The following CUBN variants were observed in gnomAD, a reference collection of about 807,000 sequenced individuals.
CUBN encodes the protein cubilin.
In CUBN, 282 loss-of-function variants were observed where a neutral mutation model predicts 405.3. The observed-to-expected ratio is 0.70, with a 90% CI of 0.63 to 0.77. The LOEUF (loss-of-function observed/expected upper bound fraction) is 0.77, where lower values mean the gene tolerates loss of function less well. Among genes scored for constraint, CUBN ranks in the 30% least tolerant of loss-of-function variants. The pLI is 0.00. For synonymous variants in CUBN, 1,684 were observed against 1,617.0 expected (o/e 1.04, Z -0.99); for missense variants, 4,514 against 4,475.2 (o/e 1.01, Z -0.25).
intron 59 of CUBN, among the ~76,000 whole-genome samples, chr10:16,856,253 T>C (rs1034937592): frequency 1.3e-5 from 2 of 152,200 alleles, no homozygotes; most frequent in Admixed American, 1.3e-4. Context: ...ACAGCTCTCA[T>C]CCATCAGCAC....
At chr10:17,023,675 T>G (rs2131792194) in intron 27 of CUBN, 1 of 454,920 alleles carries the variant, frequency 2.2e-6, no homozygotes, top group African/African-American at 2.0e-5. Flanking sequence ...GCCCTGCTTT[T>G]AGAGAGCCTG....
At position 16,990,477 on chromosome 10, in the gene CUBN, T is replaced by G; in HGVS notation, c.4207A>C (p.Ser1403Arg). 6.2e-7 allele frequency: 1 copy of G among 1,614,202 alleles called. No individual in the cohort carries two copies. Among genetic ancestry groups the G allele is most frequent in the Non-Finnish European group, 8.5e-7 (1 of 1,180,038 alleles). ...GELSGATGSF[S>R]SPGFPNRYPP... Reference sequence around the variant, plus strand: ...TACCTGTTGGGGAACCCGGGGCTGCTGAAGGAGCCTGTGGCCCCAGACAGC... The same window carrying G: ...TACCTGTTGGGGAACCCGGGGCTGCGGAAGGAGCCTGTGGCCCCAGACAGC... The change falls in exon 29 of 67, where the codon AGC (serine) becomes CGC (arginine). Residue 1403 changes from serine to arginine, a missense_variant. Ser to Arg is a moderately radical substitution (Grantham distance 110, BLOSUM62 -1). Around this residue, in one of 5 missense-constraint regions of CUBN, gnomAD observed 1,613 missense variants for 1,542.8 expected, o/e 1.05. Coordinates refer to ENST00000377833, the MANE Select transcript of CUBN (RefSeq NM_001081.4).
At chr10:16,892,311 C>G (rs1375695897) in intron 54 of CUBN, among the ~76,000 whole-genome samples, 1 of 151,952 alleles carries the variant, frequency 6.6e-6, no homozygotes, top group East Asian at 1.9e-4. Flanking sequence ...GATATTCTGC[C>G]AAATGCCTAA....
At chr10:16,843,062 GTT>G (rs1839402056) in intron 60 of CUBN, among the ~76,000 whole-genome samples, 2 of 152,120 alleles carry the variant, frequency 1.3e-5, no homozygotes, top group South Asian at 4.1e-4. Context: ...CTTATTTATT[GTT>G]TATTTACTTT....
intron 28 of CUBN, among the ~76,000 whole-genome samples, chr10:16,991,595 A>G (rs1833587799): frequency 2.0e-5 from 3 of 149,000 alleles, no homozygotes; most frequent in Admixed American, 6.6e-5. Flanking sequence ...TTAACAAAAC[A>G]TTTTTTGCTC....
chr10:16,838,161 C>G (rs927918796), intron 62 of CUBN, among the ~76,000 whole-genome samples: 1 of 152,204 alleles, frequency 6.6e-6, no homozygotes, highest in African/African-American at 2.4e-5. Context: ...CCAAACTCAG[C>G]AAGTCCAGGG....
At chr10:16,833,206 A>C (rs2131306932) in intron 64 of CUBN, among the ~76,000 whole-genome samples, 1 of 152,262 alleles carries the variant, frequency 6.6e-6, no homozygotes, top group South Asian at 2.1e-4. Context: ...TTTCCTCCAG[A>C]TCCCACTCTC....
chr10:16,903,485 CAGA>C (rs762812419), intron 51 of CUBN, among the ~76,000 whole-genome samples: 1 of 151,604 alleles, frequency 6.6e-6, no homozygotes, highest in Non-Finnish European at 1.5e-5. Flanking sequence ...CTAACATTTG[CAGA>C]AGTTTACACA....
chr10:17,044,956 C>A, intron 25 of CUBN, 51 bp downstream of exon 25: 1 of 1,526,178 alleles, frequency 6.6e-7, no homozygotes, highest in Non-Finnish European at 9.1e-7. Context: ...GTGCATTGTG[C>A]GTTGGGTGAG....
intron 27 of CUBN, among the ~76,000 whole-genome samples, chr10:17,031,901 T>C (rs2356215): frequency 0.76 from 115,142 of 151,954 alleles, 46,850 homozygotes; most frequent in East Asian, 0.93. Context: ...GCTTCACTTA[T>C]TAGAGCGGAT....
intron 8 of CUBN, among the ~76,000 whole-genome samples, chr10:17,111,268 C>A (rs1270138451): frequency 6.6e-6 from 1 of 152,190 alleles, no homozygotes; most frequent in Non-Finnish European, 1.5e-5. Context: ...GATAGCTAGA[C>A]ATTAAATTGA....
At chr10:17,068,902 TA>T in intron 19 of CUBN, 132 bp from the exon 20 acceptor site, 1 of 762,892 alleles carries the variant, frequency 1.3e-6, no homozygotes, top group Non-Finnish European at 2.2e-6. Context: ...TAGCACATTT[TA>T]GTCACCCCCC....
rs1021023040 is a variant in CUBN at position 17,046,245 on chromosome 10, G to A, written c.3330-151C>T. 4.9e-5 allele frequency: 33 copies of A among 673,508 alleles called. 1 individual carries two copies. In the South Asian group the frequency reaches 5.2e-4, roughly 11 times the overall value. 41.7% of individuals were successfully genotyped at this position (673,508 alleles called of 1,614,324 possible). ...ACACTACACTTACTCTAAAAAACACGATTTTCACTTTTAAATTTTTAAAAA... is the reference window on the plus strand; with the variant it reads ...ACACTACACTTACTCTAAAAAACACAATTTTCACTTTTAAATTTTTAAAAA... On this transcript the variant is annotated intron_variant, in intron 23 of 66. Coordinates refer to ENST00000377833, the MANE Select transcript of CUBN (RefSeq NM_001081.4).
At chr10:17,047,216 A>G (rs984928293) in intron 23 of CUBN, among the ~76,000 whole-genome samples, 198 bp downstream of exon 23, 2 of 152,226 alleles carry the variant, frequency 1.3e-5, no homozygotes, top group Non-Finnish European at 2.9e-5. Context: ...TCACTTCAAA[A>G]TAACCACAGA....
chr10:16,862,193 C>CACA (rs1448517605), intron 59 of CUBN, among the ~76,000 whole-genome samples: 2 of 151,148 alleles, frequency 1.3e-5, no homozygotes, highest in East Asian at 2.0e-4. Context: ...CACACACACA[C>CACA]ATCACATCCC....
chr10:16,909,239 C>A (rs1286072995), intron 48 of CUBN, among the ~76,000 whole-genome samples: 2 of 152,156 alleles, frequency 1.3e-5, no homozygotes, highest in Non-Finnish European at 2.9e-5. Context: ...TCTCTGGGGG[C>A]TTCTGGTGTA....
chr10:16,980,141 G>T (rs1467808873), intron 31 of CUBN, among the ~76,000 whole-genome samples: 1 of 152,190 alleles, frequency 6.6e-6, no homozygotes. Flanking sequence ...ACCACAATGA[G>T]ATACCATCTC....
intron 5 of CUBN, chr10:17,123,306 C>T: frequency 2.0e-6 from 1 of 506,330 alleles, no homozygotes; most frequent in Middle Eastern, 5.5e-4. Flanking sequence ...TGGTACTTTC[C>T]AATGCTGAAC....
At chr10:17,101,836 T>C (rs1309627195) in intron 13 of CUBN, among the ~76,000 whole-genome samples, 1 of 152,206 alleles carries the variant, frequency 6.6e-6, no homozygotes, top group East Asian at 1.9e-4. Flanking sequence ...CACTAGGCTC[T>C]GTTTCCTCAT....
Sources: allele counts gnomAD v4.1 joint callset (sites outside exome capture counted in the v4.1 genomes callset), GRCh38; gene constraint gnomAD v4.1.1; regional missense constraint gnomAD v4.1.1; transcripts MANE v1.5; gene names NCBI Gene and HGNC (gene_info 2026-07-23, HGNC 2026-07-21).